RPH3A: variants seen among roughly 807,000 people sequenced by gnomAD.
The protein encoded by RPH3A is rabphilin-3A.
In RPH3A, 48 loss-of-function variants were observed where a neutral mutation model predicts 102.2. The observed-to-expected ratio is 0.47, with a 90% CI of 0.37 to 0.60. The LOEUF is 0.60. RPH3A is among the 20% of genes least tolerant of loss of function. RPH3A has a pLI of 0.00. For missense variants in RPH3A, 781 were observed against 910.1 expected (o/e 0.86, Z 1.83); for synonymous variants, 310 against 324.3 (o/e 0.96, Z 0.47).
chr12:112,652,736 C>A (rs942135204), intron 1 of RPH3A, among the ~76,000 whole-genome samples: 2 of 152,200 alleles, frequency 1.3e-5, no homozygotes, highest in African/African-American at 2.4e-5. Flanking sequence ...TCCCTGATTG[C>A]TTTTGTCATG....
Position 112,890,017 on chromosome 12 carries a change from T to C in RPH3A, c.1564-7T>C, listed in dbSNP as rs1347867267. ...ATGTTATCTTTTATTTGTTTTCTTC[T>C]TTTAAGATGAAACGTGCTGGGACCA... On this transcript the variant is annotated splice_region_variant and splice_polypyrimidine_tract_variant and intron_variant, in intron 17 of 21. Coordinates refer to ENST00000389385, the MANE Select transcript of RPH3A (RefSeq NM_001143854.2). The C allele has an allele frequency of 6.2e-7, 1 of 1,613,308 alleles. No individual in the cohort carries two copies.
chr12:112,844,485 G>T (rs564290135), intron 4 of RPH3A, among the ~76,000 whole-genome samples: 2 of 152,258 alleles, frequency 1.3e-5, no homozygotes, highest in Admixed American at 6.5e-5. Context: ...CCCCTATCAG[G>T]CCTCCAGATG....
At chr12:112,796,475 A>T (rs1024350159) in intron 2 of RPH3A, among the ~76,000 whole-genome samples, 3 of 152,226 alleles carry the variant, frequency 2.0e-5, no homozygotes. Context: ...TGAGTGAATG[A>T]ATGAATGAAG....
intron 3 of RPH3A, among the ~76,000 whole-genome samples, chr12:112,831,083 T>C (rs1294504601): frequency 6.6e-6 from 1 of 150,662 alleles, no homozygotes; most frequent in Non-Finnish European, 1.5e-5. Flanking sequence ...ATAGGCAATA[T>C]GCACATAAGT....
intron 1 of RPH3A, among the ~76,000 whole-genome samples, chr12:112,679,206 T>G (rs2040209410): frequency 6.6e-6 from 1 of 151,940 alleles, no homozygotes; most frequent in African/African-American, 2.4e-5. Context: ...CAGGCTGGAG[T>G]GCAGTGGCGC....
At chr12:112,674,315 C>G (rs1410710093) in intron 1 of RPH3A, among the ~76,000 whole-genome samples, 1 of 152,150 alleles carries the variant, frequency 6.6e-6, no homozygotes, top group Admixed American at 6.5e-5. Flanking sequence ...CTCAGAGACT[C>G]AGAGCGGCAA....
intron 1 of RPH3A, among the ~76,000 whole-genome samples, chr12:112,674,165 C>T (rs970655848): frequency 6.6e-6 from 1 of 152,190 alleles, no homozygotes; most frequent in African/African-American, 2.4e-5. Context: ...ACAAGCAATG[C>T]TCCTGCCTCA....
At chr12:112,619,681 C>G (rs1026460207) in intron 1 of RPH3A, among the ~76,000 whole-genome samples, 1 of 152,150 alleles carries the variant, frequency 6.6e-6, no homozygotes, top group Non-Finnish European at 1.5e-5. Flanking sequence ...GTTCCACTTT[C>G]TTCACATCTT....
intron 7 of RPH3A, among the ~76,000 whole-genome samples, chr12:112,867,239 T>C (rs2042626889): frequency 6.6e-6 from 1 of 152,184 alleles, no homozygotes; most frequent in Non-Finnish European, 1.5e-5. Flanking sequence ...TTCCTCATTT[T>C]GTTATTTCTC....
intron 11 of RPH3A, 101 bp from the exon 12 acceptor site, chr12:112,875,578 C>G (rs367727029): frequency 1.0e-6 from 1 of 995,142 alleles, no homozygotes; most frequent in East Asian, 2.5e-5. Context: ...TTTCTGCCTT[C>G]GGGCCTGTGT....
intron 2 of RPH3A, among the ~76,000 whole-genome samples, chr12:112,799,281 G>C (rs2041294433): frequency 6.6e-6 from 1 of 152,116 alleles, no homozygotes; most frequent in Admixed American, 6.5e-5. Flanking sequence ...CCAGCTACTT[G>C]GGAGGCTGAG....
intron 1 of RPH3A, among the ~76,000 whole-genome samples, chr12:112,706,903 C>T (rs2040430657): frequency 6.6e-6 from 1 of 152,138 alleles, no homozygotes; most frequent in Admixed American, 6.5e-5. Context: ...AGAGGACAAG[C>T]TTGTAGTCTG....
chr12:112,723,233 G>A (rs2040563151), intron 1 of RPH3A, among the ~76,000 whole-genome samples: 1 of 152,214 alleles, frequency 6.6e-6, no homozygotes, highest in East Asian at 1.9e-4. Context: ...ACTACTAATA[G>A]CCTACTGTTG....
intron 1 of RPH3A, among the ~76,000 whole-genome samples, chr12:112,697,929 T>G (rs1227311041): frequency 6.6e-6 from 1 of 151,918 alleles, no homozygotes; most frequent in Non-Finnish European, 1.5e-5. Flanking sequence ...ATTCTAAAAG[T>G]TATATGGAAG....
Position 112,896,725 on chromosome 12 carries a change from A to G in RPH3A, c.2030A>G (p.Lys677Arg), listed in dbSNP as rs751884546. ...HWYECLKNKD[K>R]KIERWHQLQN... The stretch of plus-strand genomic sequence containing the variant: ...TACGAGTGTCTGAAAAATAAAGACA[A>G]GAAGATAGAGCGCTGGCACCAGCTA... The change falls in exon 22 of 22, where the codon AAG (lysine) becomes AGG (arginine). Residue 677 changes from lysine (K) to arginine (R), a missense_variant. Around this residue, in one of 2 missense-constraint regions of RPH3A, gnomAD observed 51 missense variants for 100.1 expected, o/e 0.51. Coordinates refer to ENST00000389385, the MANE Select transcript of RPH3A (RefSeq NM_001143854.2). 1 of 1,614,188 alleles carries G rather than the reference A, an allele frequency of 6.2e-7. No homozygotes were observed. Among genetic ancestry groups the G allele is most frequent in the South Asian group, 1.1e-5 (1 of 91,082 alleles).
At chr12:112,714,458 G>A (rs1435287530) in intron 1 of RPH3A, among the ~76,000 whole-genome samples, 1 of 152,180 alleles carries the variant, frequency 6.6e-6, no homozygotes, top group African/African-American at 2.4e-5. Context: ...GTGCCTATGG[G>A]AGAACAGAAG....
intron 2 of RPH3A, among the ~76,000 whole-genome samples, chr12:112,795,648 A>G (rs1192762212): frequency 3.3e-5 from 5 of 152,088 alleles, no homozygotes; most frequent in South Asian, 2.1e-4. Flanking sequence ...AGTTTCTTCA[A>G]TTAGGTGTAT....
At chr12:112,679,214 C>T (rs986751713) in intron 1 of RPH3A, among the ~76,000 whole-genome samples, 1 of 151,910 alleles carries the variant, frequency 6.6e-6, no homozygotes, top group Non-Finnish European at 1.5e-5. Context: ...AGTGCAGTGG[C>T]GCAGTCTCGG....
chr12:112,723,125 G>A (rs575639832), intron 1 of RPH3A, among the ~76,000 whole-genome samples: 1 of 152,298 alleles, frequency 6.6e-6, no homozygotes, highest in Non-Finnish European at 1.5e-5. Context: ...TGTATATACA[G>A]TTGGCCCTTG....
Sources: allele counts gnomAD v4.1 joint callset (sites outside exome capture counted in the v4.1 genomes callset), GRCh38; gene constraint gnomAD v4.1.1; regional missense constraint gnomAD v4.1.1; transcripts MANE v1.5; gene names NCBI Gene and HGNC (gene_info 2026-07-23, HGNC 2026-07-21).